Variants in PLCB1 observed in about 807,000 individuals in gnomAD.
The protein encoded by PLCB1 is 1-phosphatidylinositol 4,5-bisphosphate phosphodiesterase beta-1.
PLCB1 carries 46 observed loss-of-function variants against 161.8 expected under a neutral mutation model. The observed-to-expected ratio is 0.28, with a 90% CI of 0.22 to 0.36. PLCB1 has a LOEUF of 0.36. PLCB1 is among the 10% of genes least tolerant of loss of function. The probability of loss-of-function intolerance (pLI) is 1.00; values close to 1 mark genes in which losing one functional copy is unlikely to be tolerated. For synonymous variants in PLCB1, 517 were observed against 503.7 expected (o/e 1.03, Z -0.35); for missense variants, 1,016 against 1,472.5 (o/e 0.69, Z 5.07).
intron 3 of PLCB1, among the ~76,000 whole-genome samples, chr20:8,402,799 C>T (rs536584156): frequency 6.6e-6 from 1 of 151,708 alleles, no homozygotes; most frequent in Admixed American, 6.6e-5. Context: ...CAGCCGAGAT[C>T]GTGCCACTGC....
chr20:8,826,971 C>T (rs916846357), intron 31 of PLCB1, among the ~76,000 whole-genome samples: 7 of 152,088 alleles, frequency 4.6e-5, no homozygotes, highest in Admixed American at 3.9e-4. Context: ...CTGTCATTTA[C>T]TTGGAAATTA....
intron 4 of PLCB1, among the ~76,000 whole-genome samples, chr20:8,633,321 TATA>T (rs1988659120): frequency 6.6e-6 from 1 of 152,164 alleles, no homozygotes; most frequent in African/African-American, 2.4e-5. Context: ...TGTTTAGAAG[TATA>T]TAGCAGAAGT....
chr20:8,649,582 G>A, intron 7 of PLCB1, 133 bp downstream of exon 7: 1 of 665,468 alleles, frequency 1.5e-6, no homozygotes, highest in Non-Finnish European at 2.7e-6. Context: ...TGATTAATGG[G>A]TTAATGAATT....
At chr20:8,659,412 C>G (rs1295433452) in intron 9 of PLCB1, among the ~76,000 whole-genome samples, 1 of 152,088 alleles carries the variant, frequency 6.6e-6, no homozygotes, top group Non-Finnish European at 1.5e-5. Context: ...AAGACTAACT[C>G]TCATCTGGAT....
chr20:8,426,528 T>C (rs1409527715), intron 3 of PLCB1, among the ~76,000 whole-genome samples: 2 of 152,176 alleles, frequency 1.3e-5, no homozygotes, highest in Non-Finnish European at 2.9e-5. Flanking sequence ...TGCCAGTTTG[T>C]GCTTCAAAAC....
chr20:8,282,743 A>C (rs1239939486), intron 2 of PLCB1, among the ~76,000 whole-genome samples: 1 of 152,190 alleles, frequency 6.6e-6, no homozygotes, highest in Non-Finnish European at 1.5e-5. Flanking sequence ...TTTTTGGACT[A>C]TAAGCCAAAG....
chr20:8,446,486 T>C (rs529928942), intron 3 of PLCB1, among the ~76,000 whole-genome samples: 123 of 152,320 alleles, frequency 8.1e-4, no homozygotes, highest in Non-Finnish European at 1.4e-3. Flanking sequence ...GCATTCCCTT[T>C]GAAAACTGGC....
chr20:8,614,349 CACATATACACAT>C lies in PLCB1; in HGVS notation c.247-13941_247-13930del, dbSNP rs1987990059. Reference sequence around the variant, plus strand: ...ATTCAATTATATATATATATACACACACATATACACATACACACACACAGATGCTCATTGAAG... The same window carrying C: ...ATTCAATTATATATATATATACACACACACACACACAGATGCTCATTGAAG... On this transcript the variant is annotated intron_variant, in intron 3 of 31. Coordinates refer to ENST00000338037, the MANE Select transcript of PLCB1 (RefSeq NM_015192.4). Among the ~76,000 whole-genome samples, 9 of 149,532 alleles carry C rather than the reference CACATATACACAT, an allele frequency of 6.0e-5. No individual in the cohort carries two copies. In the South Asian group the frequency reaches 1.9e-3, roughly 31 times the overall value.
chr20:8,458,177 T>C (rs1981412426), intron 3 of PLCB1, among the ~76,000 whole-genome samples: 1 of 152,144 alleles, frequency 6.6e-6, no homozygotes, highest in Non-Finnish European at 1.5e-5. Flanking sequence ...GAGCCAAGAA[T>C]AGGGAAGCTG....
chr20:8,578,068 C>A (rs1345552538), intron 3 of PLCB1, among the ~76,000 whole-genome samples: 24 of 152,234 alleles, frequency 1.6e-4, no homozygotes, highest in Admixed American at 1.4e-3. Context: ...ATAATCCTAA[C>A]CTCTGTAAGC....
chr20:8,512,231 G>A, intron 3 of PLCB1, among the ~76,000 whole-genome samples: 1 of 152,094 alleles, frequency 6.6e-6, no homozygotes, highest in African/African-American at 2.4e-5. Context: ...CTGATTCATT[G>A]AAATCCTGTA....
chr20:8,453,801 A>G (rs1981177298), intron 3 of PLCB1, among the ~76,000 whole-genome samples: 1 of 152,202 alleles, frequency 6.6e-6, no homozygotes, highest in South Asian at 2.1e-4. Context: ...AAGAGCATAT[A>G]CAAAACCTCT....
rs149730872 is a variant in PLCB1 at position 8,771,352 on chromosome 20, T to C, written c.2931-3187T>C. Among the ~76,000 whole-genome samples, 53 of 152,316 alleles carry C rather than the reference T, an allele frequency of 3.5e-4. 3 individuals are homozygous for C. The East Asian group carries it at 9.7e-3, about 28-fold the overall frequency. ...ACTACTAATAGTTTGAAATTACATATGTGAAGGGAATCACATATGTGGTTC... is the reference window on the plus strand; with the variant it reads ...ACTACTAATAGTTTGAAATTACATACGTGAAGGGAATCACATATGTGGTTC... On this transcript the variant is annotated intron_variant, in intron 26 of 31. Transcript: ENST00000338037.
intron 3 of PLCB1, among the ~76,000 whole-genome samples, chr20:8,611,351 G>A (rs1000924780): frequency 6.6e-6 from 1 of 152,058 alleles, no homozygotes; most frequent in Admixed American, 6.6e-5. Context: ...AAGCCTAAGT[G>A]TTGAAAAATT....
intron 19 of PLCB1, among the ~76,000 whole-genome samples, chr20:8,735,263 G>T (rs993823228): frequency 6.6e-6 from 1 of 151,848 alleles, no homozygotes; most frequent in Non-Finnish European, 1.5e-5. Flanking sequence ...TTCTTTTTTT[G>T]TCTTGAAAAT....
At chr20:8,450,168 G>A (rs1256914306) in intron 3 of PLCB1, among the ~76,000 whole-genome samples, 1 of 152,102 alleles carries the variant, frequency 6.6e-6, no homozygotes, top group Non-Finnish European at 1.5e-5. Flanking sequence ...CCTACTCCTG[G>A]AAGTGCTCTG....
At chr20:8,361,527 A>G (rs774979447) in intron 2 of PLCB1, among the ~76,000 whole-genome samples, 4 of 152,170 alleles carry the variant, frequency 2.6e-5, no homozygotes, top group Non-Finnish European at 5.9e-5. Flanking sequence ...GTTGAACCAG[A>G]GAATTTGCAT....
chr20:8,215,989 GCTTT>G (rs1979101141), intron 2 of PLCB1, among the ~76,000 whole-genome samples: 1 of 151,822 alleles, frequency 6.6e-6, no homozygotes, highest in African/African-American at 2.4e-5. Flanking sequence ...TCAGTTTTGC[GCTTT>G]CTTTCTTTTT....
At chr20:8,211,574 G>T (rs930421223) in intron 2 of PLCB1, among the ~76,000 whole-genome samples, 1 of 152,014 alleles carries the variant, frequency 6.6e-6, no homozygotes, top group Non-Finnish European at 1.5e-5. Context: ...GATATAGATT[G>T]GTCTATATAA....
Sources: gnomAD v4.1 joint callset for allele counts (sites outside exome capture counted in the v4.1 genomes callset) on GRCh38, gnomAD v4.1.1 for gene constraint, MANE v1.5 for transcripts, NCBI Gene and HGNC (gene_info 2026-07-23, HGNC 2026-07-21) for gene names.